The following PRELID2 variants were observed in gnomAD, a reference collection of about 807,000 sequenced individuals.
The protein encoded by PRELID2 is PRELI domain containing 2, also known as PRELI domain-containing protein 2.
Under a neutral mutation model 28.4 loss-of-function variants are expected in PRELID2, and 25 were observed. That is an observed-to-expected ratio of 0.88 (90% CI 0.64 to 1.23). The LOEUF is 1.23. PRELID2 is among the 50% of genes most tolerant of loss of function. The pLI, the probability that PRELID2 is intolerant of heterozygous loss-of-function variation, is 0.00. For synonymous variants in PRELID2, 76 were observed against 71.6 expected (o/e 1.06, Z -0.31); for missense variants, 201 against 214.4 (o/e 0.94, Z 0.39).
the PRELID2 span, among the ~76,000 whole-genome samples, chr5:145,347,871 A>C: frequency 6.6e-6 from 1 of 152,140 alleles, no homozygotes; most frequent in Non-Finnish European, 1.5e-5. Flanking sequence ...CTAAAAATGA[A>C]AGTCTATTTT....
the PRELID2 span, among the ~76,000 whole-genome samples, chr5:145,332,294 T>C: frequency 3.3e-5 from 5 of 152,308 alleles, no homozygotes; most frequent in Middle Eastern, 3.4e-3. Context: ...GTGTATTTCC[T>C]GAATTTGAAT....
chr5:145,244,049 T>G, the PRELID2 span, among the ~76,000 whole-genome samples: 1 of 152,018 alleles, frequency 6.6e-6, no homozygotes, highest in Non-Finnish European at 1.5e-5. Context: ...GCCTCCCCAG[T>G]CTCAAGCAAT....
the PRELID2 span, among the ~76,000 whole-genome samples, chr5:145,431,315 T>C: frequency 6.6e-6 from 1 of 152,118 alleles, no homozygotes; most frequent in Admixed American, 6.6e-5. Flanking sequence ...AATTAAAAGA[T>C]ATAGTAATGG....
At chr5:145,600,434 A>ATATATATATATATATAT (rs1554078383) in intron 1 of PRELID2, among the ~76,000 whole-genome samples, 14 of 120,092 alleles carry the variant, frequency 1.2e-4, no homozygotes, top group African/African-American at 5.7e-4. Context: ...AAAAAAAAAA[A>ATATATATATATATATAT]ATATATATAT....
chr5:145,810,088 T>C (rs1753825302), intron 4 of PRELID2, among the ~76,000 whole-genome samples: 2 of 152,330 alleles, frequency 1.3e-5, no homozygotes, highest in African/African-American at 4.8e-5. Flanking sequence ...GTAAAAACCA[T>C]GACTTTTTTC....
At chr5:145,447,428 T>A in the PRELID2 span, among the ~76,000 whole-genome samples, 1 of 144,382 alleles carries the variant, frequency 6.9e-6, no homozygotes, top group Non-Finnish European at 1.5e-5. Flanking sequence ...TCTGTTTTAA[T>A]GAAATCTTTT....
the PRELID2 span, among the ~76,000 whole-genome samples, chr5:145,340,764 A>AAT: frequency 1.3e-5 from 1 of 79,212 alleles, no homozygotes; most frequent in Non-Finnish European, 2.5e-5. Flanking sequence ...CCTGCCTAAA[A>AAT]ATATACATAT....
At chr5:145,314,026 T>C in the PRELID2 span, among the ~76,000 whole-genome samples, 3 of 152,238 alleles carry the variant, frequency 2.0e-5, no homozygotes, top group African/African-American at 7.2e-5. Context: ...TGTACTTATG[T>C]TATGCTATGA....
chr5:145,716,395 A>C (rs1755844527), intron 1 of PRELID2, among the ~76,000 whole-genome samples: 1 of 152,142 alleles, frequency 6.6e-6, no homozygotes, highest in African/African-American at 2.4e-5. Flanking sequence ...GTGAGCTACC[A>C]TGTCTTGACA....
intron 4 of PRELID2, among the ~76,000 whole-genome samples, chr5:145,808,898 GAA>G (rs67381027): frequency 4.7e-5 from 7 of 148,758 alleles, no homozygotes; most frequent in Admixed American, 1.3e-4. Flanking sequence ...AAAAGGAAAA[GAA>G]AAAAAAAAGA....
chr5:145,496,549 A>C (rs1299017981), intron 1 of PRELID2, among the ~76,000 whole-genome samples: 1 of 152,172 alleles, frequency 6.6e-6, no homozygotes, highest in Non-Finnish European at 1.5e-5. Flanking sequence ...TTGCCAGTCA[A>C]GGACAAGCTT....
chr5:145,710,914 G>A (rs1423122000), intron 1 of PRELID2, among the ~76,000 whole-genome samples: 1 of 152,164 alleles, frequency 6.6e-6, no homozygotes, highest in Non-Finnish European at 1.5e-5. Flanking sequence ...ATTTATTCAG[G>A]TGGCCATGCA....
chr5:145,811,795 T>C lies in PRELID2; in HGVS notation c.368+6099A>G, dbSNP rs149253424. ...CTTTCCAATTCCTGGTTCCTATCCC[T>C]TAGGAGGCCTGATCACTGGTACAGA... On this transcript the variant is annotated intron_variant, in intron 4 of 6. Coordinates refer to ENST00000683046, the MANE Select transcript of PRELID2 (RefSeq NM_205846.3). Among the ~76,000 whole-genome samples the C allele has an allele frequency of 6.1e-4, 93 of 152,302 alleles. 1 individual carries two copies. In the East Asian group the frequency reaches 0.016, roughly 27 times the overall value.
At chr5:145,349,316 C>T in the PRELID2 span, among the ~76,000 whole-genome samples, 2,248 of 152,032 alleles carry the variant, frequency 0.015, 48 homozygotes, top group African/African-American at 0.051. Flanking sequence ...ATTTTTGGGA[C>T]TTTGCTGTTT....
At chr5:145,632,208 G>A (rs1753942913) in intron 1 of PRELID2, among the ~76,000 whole-genome samples, 2 of 152,194 alleles carry the variant, frequency 1.3e-5, no homozygotes, top group South Asian at 4.1e-4. Flanking sequence ...GGAGGTCTAT[G>A]TTTCTCTCTT....
intron 1 of PRELID2, chr5:145,728,488 T>C: frequency 1.5e-6 from 1 of 676,348 alleles, no homozygotes; most frequent in Non-Finnish European, 2.7e-6. Flanking sequence ...TGTTCTCCCC[T>C]CCCAAAGCAG....
intron 1 of PRELID2, among the ~76,000 whole-genome samples, chr5:145,477,286 C>T (rs1752111415): frequency 6.6e-6 from 1 of 152,202 alleles, no homozygotes; most frequent in Non-Finnish European, 1.5e-5. Context: ...CATCTCACTG[C>T]TCTACATTTC....
the PRELID2 span, among the ~76,000 whole-genome samples, chr5:145,297,391 G>T: frequency 1.3e-5 from 2 of 151,818 alleles, no homozygotes; most frequent in Non-Finnish European, 2.9e-5. Flanking sequence ...AATAGATGCA[G>T]AAAAGGCCTT....
At chr5:145,418,201 CAGG>C in the PRELID2 span, among the ~76,000 whole-genome samples, 7 of 151,944 alleles carry the variant, frequency 4.6e-5, no homozygotes, top group African/African-American at 1.4e-4. Flanking sequence ...TGACCATTTC[CAGG>C]AGAACTATAA....
Sources: gnomAD v4.1 joint callset for allele counts (sites outside exome capture counted in the v4.1 genomes callset) on GRCh38, gnomAD v4.1.1 for gene constraint, MANE v1.5 for transcripts, NCBI Gene and HGNC (gene_info 2026-07-23, HGNC 2026-07-21) for gene names.